The following RANBP2 variants were observed in gnomAD, a reference collection of about 807,000 sequenced individuals.
RANBP2 encodes RAN binding protein 2, also known as E3 SUMO-protein ligase RanBP2.
In RANBP2, 57 loss-of-function variants were observed where a neutral mutation model predicts 303.6. The ratio of observed to expected loss-of-function variants is 0.19; its 90% CI spans 0.15 to 0.23. The LOEUF is 0.23. RANBP2 is among the 10% of genes least tolerant of loss of function. RANBP2 has a pLI of 1.00. For synonymous variants in RANBP2, 1,167 were observed against 1,301.5 expected (o/e 0.90, Z 2.23); for missense variants, 3,138 against 3,780.8 (o/e 0.83, Z 4.46).
downstream of RANBP2, chr2:108,788,955 A>C: frequency 1.2e-6 from 2 of 1,614,038 alleles, no homozygotes; most frequent in Non-Finnish European, 1.7e-6. Context: ...TCAAGCACGT[A>C]AATGTGAATT....
At chr2:109,616,044 C>A in the RANBP2 span, 9 of 1,512,264 alleles carry the variant, frequency 6.0e-6, no homozygotes, top group South Asian at 1.2e-4. Context: ...CACATTGAGA[C>A]CAAAGTCCAA....
chr2:109,434,414 C>T, the RANBP2 span, among the ~76,000 whole-genome samples: 2 of 152,344 alleles, frequency 1.3e-5, no homozygotes, highest in South Asian at 4.1e-4. Context: ...CGCAGACCTT[C>T]AGAGATGTAA....
chr2:109,635,729 C>T, the RANBP2 span, among the ~76,000 whole-genome samples: 2 of 152,178 alleles, frequency 1.3e-5, no homozygotes, highest in Non-Finnish European at 2.9e-5. Context: ...TACTCTGTGC[C>T]TCAAAAAGAA....
chr2:109,614,989 C>G, the RANBP2 span: 1 of 1,541,808 alleles, frequency 6.5e-7, no homozygotes, highest in Non-Finnish European at 8.7e-7. Context: ...CTACCGCGGA[C>G]TCCAGCCCCG....
At chr2:109,337,535 C>T in the RANBP2 span, among the ~76,000 whole-genome samples, 3 of 152,370 alleles carry the variant, frequency 2.0e-5, no homozygotes, top group East Asian at 5.8e-4. Flanking sequence ...CAGGATCACC[C>T]TCAGCGTTTC....
chr2:109,517,935 C>G, the RANBP2 span, among the ~76,000 whole-genome samples: 1 of 152,302 alleles, frequency 6.6e-6, no homozygotes, highest in Non-Finnish European at 1.5e-5. Flanking sequence ...GAGGGTATGC[C>G]CCCGATGGGA....
At chr2:109,141,060 G>A in the RANBP2 span, among the ~76,000 whole-genome samples, 1 of 152,182 alleles carries the variant, frequency 6.6e-6, no homozygotes, top group Non-Finnish European at 1.5e-5. Flanking sequence ...CAGTTGTATT[G>A]AAGGGATCAA....
the RANBP2 span, among the ~76,000 whole-genome samples, chr2:109,280,396 G>A: frequency 6.6e-5 from 10 of 152,310 alleles, no homozygotes; most frequent in South Asian, 8.3e-4. Flanking sequence ...ACCTGAGTGC[G>A]CTCTTGGCTA....
At chr2:109,613,878 G>T in the RANBP2 span, 9 of 1,230,148 alleles carry the variant, frequency 7.3e-6, no homozygotes, top group Non-Finnish European at 9.1e-6. Context: ...GGCCCCGAGC[G>T]GCTGGTCCCG....
chr2:109,523,912 T>C, the RANBP2 span, among the ~76,000 whole-genome samples: 1 of 152,184 alleles, frequency 6.6e-6, no homozygotes, highest in Non-Finnish European at 1.5e-5. Flanking sequence ...ACTGCCGTGG[T>C]TCCTACCGAG....
the RANBP2 span, among the ~76,000 whole-genome samples, chr2:109,590,007 A>T: frequency 6.6e-6 from 1 of 151,250 alleles, no homozygotes; most frequent in East Asian, 1.9e-4. Context: ...TTTTCACATA[A>T]TCATATATAT....
At chr2:108,790,292 T>G (rs943316441), downstream of RANBP2, among the ~76,000 whole-genome samples, 1 of 152,184 alleles carries the variant, frequency 6.6e-6, no homozygotes, top group Admixed American at 6.5e-5. Flanking sequence ...GGAAATTATT[T>G]TCTTTTTAAC....
At chr2:109,273,599 G>A in the RANBP2 span, among the ~76,000 whole-genome samples, 3 of 152,196 alleles carry the variant, frequency 2.0e-5, no homozygotes, top group African/African-American at 7.2e-5. Flanking sequence ...TTTGTGGTGG[G>A]ACAGGCTTAG....
chr2:109,257,751 G>A, the RANBP2 span, among the ~76,000 whole-genome samples: 2 of 152,112 alleles, frequency 1.3e-5, no homozygotes, highest in African/African-American at 4.8e-5. Context: ...AAAACCAAGG[G>A]GCCCCAAGTG....
the RANBP2 span, chr2:108,883,144 G>C: frequency 6.6e-6 from 1 of 152,146 alleles, no homozygotes; most frequent in African/African-American, 2.4e-5. Flanking sequence ...GTAGAGGAAG[G>C]TGTGATACAG....
chr2:109,254,396 G>A, the RANBP2 span, among the ~76,000 whole-genome samples: 1 of 152,152 alleles, frequency 6.6e-6, no homozygotes, highest in African/African-American at 2.4e-5. Context: ...AATGGGGGCA[G>A]CACATTCCTC....
the RANBP2 span, among the ~76,000 whole-genome samples, chr2:109,275,794 C>T: frequency 1.3e-5 from 2 of 152,188 alleles, no homozygotes; most frequent in East Asian, 1.9e-4. Flanking sequence ...AAGCGAGGCA[C>T]AGTGAGAGGG....
the RANBP2 span, among the ~76,000 whole-genome samples, chr2:109,473,899 C>A: frequency 6.6e-6 from 1 of 152,224 alleles, no homozygotes. Context: ...GCCCCTTGAT[C>A]ATCAGCAGTG....
the RANBP2 span, among the ~76,000 whole-genome samples, chr2:109,058,661 C>T: frequency 4.6e-5 from 7 of 152,334 alleles, no homozygotes; most frequent in South Asian, 4.1e-4. Flanking sequence ...AGTAAGGAAA[C>T]GTCCTGTAAG....
Sources: gnomAD v4.1 joint callset for allele counts (sites outside exome capture counted in the v4.1 genomes callset) on GRCh38, gnomAD v4.1.1 for gene constraint, MANE v1.5 for transcripts, NCBI Gene and HGNC (gene_info 2026-07-23, HGNC 2026-07-21) for gene names.